Variants in AP2B1 observed in about 807,000 individuals in gnomAD.
AP2B1 encodes the protein adaptor related protein complex 2 subunit beta 1.
In AP2B1, 23 loss-of-function variants were observed where a neutral mutation model predicts 102.0. That is an observed-to-expected ratio of 0.23 (90% CI 0.16 to 0.32). AP2B1 has a LOEUF of 0.32. Among genes scored for constraint, AP2B1 ranks in the 10% least tolerant of loss-of-function variants. AP2B1 has a pLI of 1.00. For synonymous variants in AP2B1, 381 were observed against 421.2 expected, an observed-to-expected ratio of 0.90 and a Z score of 1.17; for missense variants, 541 against 1,157.4, an observed-to-expected ratio of 0.47 and a Z score of 7.73.
chr17:35,665,111 T>C (rs2075436671), intron 14 of AP2B1, among the ~76,000 whole-genome samples: 1 of 149,560 alleles, frequency 6.7e-6, no homozygotes, highest in Non-Finnish European at 1.5e-5. Context: ...TATTTTATGA[T>C]GCTTTTTGGA....
At chr17:35,643,099 G>A (rs914547122) in intron 12 of AP2B1, among the ~76,000 whole-genome samples, 18 of 149,308 alleles carry the variant, frequency 1.2e-4, no homozygotes, top group African/African-American at 4.2e-4. Context: ...CAGTCTTTTG[G>A]CTTCCCTGGG....
chr17:35,651,984 C>G (rs1191435174), intron 13 of AP2B1, among the ~76,000 whole-genome samples: 1 of 152,178 alleles, frequency 6.6e-6, no homozygotes, highest in Non-Finnish European at 1.5e-5. Context: ...CCCTCTGTAA[C>G]CGTGTTTGTA....
At chr17:35,641,167 G>A (rs533601579) in intron 11 of AP2B1, among the ~76,000 whole-genome samples, 3 of 152,320 alleles carry the variant, frequency 2.0e-5, no homozygotes, top group Non-Finnish European at 2.9e-5. Context: ...TCTTGCCCCA[G>A]TACGACAGAT....
At chr17:35,705,780 C>G (rs587658005) in intron 18 of AP2B1, among the ~76,000 whole-genome samples, 56 of 152,220 alleles carry the variant, frequency 3.7e-4, no homozygotes, top group African/African-American at 1.3e-3. Flanking sequence ...CCTCAGCTTC[C>G]CAAGGCTCAC....
rs1191484914 is a variant in AP2B1, at chr17:35,594,023, C to G, written c.-8C>G. Reference sequence around the variant, plus strand: ...CTTGCTATAGGTGCACATTAAAGATCCAAAGTCATGACTGACTCCAAGTAT... The same window carrying G: ...CTTGCTATAGGTGCACATTAAAGATGCAAAGTCATGACTGACTCCAAGTAT... On this transcript the variant is annotated 5_prime_UTR_variant, in exon 2 of 22. The change creates a new upstream start codon in the 5' untranslated region. Transcript: ENST00000610402. The G allele has an allele frequency of 6.3e-7, 1 of 1,582,820 alleles. No individual in the cohort carries two copies.
intron 18 of AP2B1, among the ~76,000 whole-genome samples, chr17:35,692,369 A>C (rs226086): frequency 6.6e-6 from 1 of 152,064 alleles, no homozygotes; most frequent in African/African-American, 2.4e-5. Flanking sequence ...CTAGGAGTTA[A>C]TGATGGATAA....
intron 17 of AP2B1, among the ~76,000 whole-genome samples, chr17:35,677,479 G>A (rs1422142749): frequency 6.6e-6 from 1 of 152,108 alleles, no homozygotes; most frequent in African/African-American, 2.4e-5. Context: ...TTTTAAATAT[G>A]TTGTAAATTA....
chr17:35,671,070 G>A (rs1343791106), intron 15 of AP2B1, among the ~76,000 whole-genome samples, 172 bp downstream of exon 15: 1 of 152,144 alleles, frequency 6.6e-6, no homozygotes, highest in African/African-American at 2.4e-5. Context: ...AATTGTTGGG[G>A]TCATGCACCA....
At chr17:35,591,202 T>C (rs1294141381) in intron 1 of AP2B1, among the ~76,000 whole-genome samples, 1 of 146,028 alleles carries the variant, frequency 6.8e-6, no homozygotes, top group Non-Finnish European at 1.5e-5. Flanking sequence ...AAGAATTTAA[T>C]GGGCTGGGCA....
At chr17:35,647,227 C>G (rs2074958995) in intron 12 of AP2B1, among the ~76,000 whole-genome samples, 3 of 152,118 alleles carry the variant, frequency 2.0e-5, no homozygotes, top group African/African-American at 7.2e-5. Flanking sequence ...GGAGTTGCTT[C>G]CCTGACCTGA....
chr17:35,629,886 G>A (rs758859558), intron 9 of AP2B1, among the ~76,000 whole-genome samples: 3 of 152,164 alleles, frequency 2.0e-5, no homozygotes, highest in Non-Finnish European at 4.4e-5. Flanking sequence ...TCATCAGTCA[G>A]CAGTCCTCCA....
At chr17:35,711,324 A>AT (rs2076442791) in intron 20 of AP2B1, among the ~76,000 whole-genome samples, 1 of 151,622 alleles carries the variant, frequency 6.6e-6, no homozygotes. Context: ...GGTGGTTCTC[A>AT]TAAGGGATTT....
At chr17:35,719,934 G>A (rs1018829879) in intron 21 of AP2B1, among the ~76,000 whole-genome samples, 2 of 152,134 alleles carry the variant, frequency 1.3e-5, no homozygotes, top group East Asian at 3.8e-4. Flanking sequence ...ATCATACAAA[G>A]CAAGAGATTC....
At chr17:35,722,251 G>A (rs1307841165) in intron 21 of AP2B1, among the ~76,000 whole-genome samples, 1 of 152,098 alleles carries the variant, frequency 6.6e-6, no homozygotes, top group Non-Finnish European at 1.5e-5. Context: ...CTCAAAAAAA[G>A]AATTGCTTCA....
intron 14 of AP2B1, among the ~76,000 whole-genome samples, chr17:35,658,441 A>T (rs2075283764): frequency 6.6e-6 from 1 of 152,226 alleles, no homozygotes; most frequent in Admixed American, 6.5e-5. Context: ...AGTCCAGAAT[A>T]CCTGCGAACA....
intron 13 of AP2B1, among the ~76,000 whole-genome samples, chr17:35,653,080 C>G (rs1210769465): frequency 6.6e-6 from 1 of 152,062 alleles, no homozygotes; most frequent in African/African-American, 2.4e-5. Context: ...GATTATTAAT[C>G]TTGGTTGTAT....
intron 5 of AP2B1, 42 bp downstream of exon 5, chr17:35,608,429 T>C (rs771156279): frequency 6.2e-7 from 1 of 1,609,320 alleles, no homozygotes; most frequent in East Asian, 2.2e-5. Flanking sequence ...GTATTTAAAA[T>C]GAGTCCCTTG....
chr17:35,674,250 T>A lies in AP2B1; in HGVS notation c.2253T>A (p.Tyr751Ter). The change falls in exon 17 of 22, where the codon TAT becomes TAA. Residue 751 changes from tyrosine (Y) to a stop codon, truncating the protein, a stop_gained. Transcript: ENST00000610402. LOFTEE classifies it high-confidence loss of function. ...GTFTHRQGHI[Y>*]MEMNFTNKAL... ...TTACTCACCGCCAAGGGCACATCTA[T>A]ATGGAAATGAACTTCACCAATAAAG... The A allele has an allele frequency of 6.2e-7, 1 of 1,614,160 alleles. No individual in the cohort carries two copies. The highest frequency in any genetic ancestry group is 8.5e-7 in the Non-Finnish European group (1 of 1,180,024).
chr17:35,591,601 G>C (rs964433630), intron 1 of AP2B1, among the ~76,000 whole-genome samples: 5 of 152,176 alleles, frequency 3.3e-5, no homozygotes, highest in African/African-American at 1.2e-4. Flanking sequence ...AAATATCCTA[G>C]ACAGATTGTA....
Sources: gnomAD v4.1 joint callset for allele counts (sites outside exome capture counted in the v4.1 genomes callset) on GRCh38, gnomAD v4.1.1 for gene constraint, MANE v1.5 for transcripts, NCBI Gene and HGNC (gene_info 2026-07-23, HGNC 2026-07-21) for gene names.